Variants in GTPBP4 observed in about 807,000 individuals in gnomAD.
GTPBP4 encodes the protein GTP binding protein 4.
GTPBP4 carries 15 observed loss-of-function variants against 81.7 expected under a neutral mutation model. That is an observed-to-expected ratio of 0.18 (90% confidence interval 0.12 to 0.28). GTPBP4 has a LOEUF of 0.28. Among genes scored for constraint, GTPBP4 ranks in the 10% least tolerant of loss-of-function variants. The pLI is 1.00. For missense variants in GTPBP4, 847 were observed against 793.8 expected, an observed-to-expected ratio of 1.07 and a Z score of -0.81; for synonymous variants, 272 against 274.6, an observed-to-expected ratio of 0.99 and a Z score of 0.09.
intron 2 of GTPBP4, among the ~76,000 whole-genome samples, chr10:994,805 A>T (rs374177727): frequency 2.0e-5 from 3 of 152,212 alleles, no homozygotes; most frequent in African/African-American, 7.2e-5. Context: ...GGAGGGTTAG[A>T]TATTAAGTTG....
intron 8 of GTPBP4, among the ~76,000 whole-genome samples, chr10:1,003,223 A>G (rs927647105): frequency 1.9e-4 from 29 of 152,132 alleles, no homozygotes; most frequent in Non-Finnish European, 8.8e-5. Flanking sequence ...TGAATTCTTC[A>G]GCTACAGGAT....
At chr10:1,010,007 A>G (rs59913866) in intron 12 of GTPBP4, among the ~76,000 whole-genome samples, 23,693 of 151,956 alleles carry the variant, frequency 0.16, 2,237 homozygotes, top group East Asian at 0.3. Flanking sequence ...AGAAAGGTGC[A>G]TGCTGATAGC....
intron 10 of GTPBP4, among the ~76,000 whole-genome samples, chr10:1,008,561 TTGAA>T (rs1411164966): frequency 6.6e-6 from 1 of 152,232 alleles, no homozygotes; most frequent in Non-Finnish European, 1.5e-5. Context: ...TATGTTTCCA[TTGAA>T]TTCTTATATG....
At chr10:1,000,926 A>G (rs1403372209) in intron 7 of GTPBP4, 22 bp from the exon 8 acceptor site, 6 of 1,610,988 alleles carry the variant, frequency 3.7e-6, no homozygotes, top group Non-Finnish European at 5.1e-6. Flanking sequence ...TAATGATTTC[A>G]TTATTTTTCT....
chr10:994,518 G>T (rs1442225872), intron 2 of GTPBP4, among the ~76,000 whole-genome samples: 2 of 152,136 alleles, frequency 1.3e-5, no homozygotes, highest in East Asian at 1.9e-4. Context: ...TGATCCGCCT[G>T]CCTTGGCCTC....
At chr10:1,017,041 A>G in intron 16 of GTPBP4, 34 bp from the exon 17 acceptor site, 14 of 1,583,764 alleles carry the variant, frequency 8.8e-6, no homozygotes, top group Non-Finnish European at 1.2e-5. Context: ...GTTTTAAGTA[A>G]TGAACATACT....
intron 14 of GTPBP4, 111 bp downstream of exon 14, chr10:1,012,773 C>G: frequency 2.9e-6 from 2 of 694,428 alleles, no homozygotes; most frequent in Non-Finnish European, 4.9e-6. Context: ...TAAGATTGCA[C>G]ATTCTTGTTT....
chr10:991,701 T>G (rs1564464820), intron 1 of GTPBP4, among the ~76,000 whole-genome samples: 1 of 140,804 alleles, frequency 7.1e-6, no homozygotes, highest in Non-Finnish European at 1.5e-5. Flanking sequence ...TTTTTTTTTT[T>G]TTTTTTTTTT....
rs749372567 is a variant in GTPBP4 at position 992,632 on chromosome 10, A to G, written c.192A>G (p.Gln64=). The change falls in exon 2 of 17, where the codon CAA becomes CAG. Residue 64 remains glutamine, a synonymous_variant. Coordinates refer to ENST00000360803, the MANE Select transcript of GTPBP4 (RefSeq NM_012341.3). ...AGAATTACCATGATAGACTTTCACA[A>G]ATTCTAACAGATTTCCCCAAATTGG... The part of the protein sequence containing the change: ...TQQNYHDRLS[Q]ILTDFPKLDD... The G allele has an allele frequency of 6.2e-7, 1 of 1,607,884 alleles. No homozygotes were observed. The highest frequency in any genetic ancestry group is 8.5e-7 in the Non-Finnish European group (1 of 1,175,882).
At chr10:1,003,766 CCTGCTATT>C (rs1181559853) in intron 8 of GTPBP4, among the ~76,000 whole-genome samples, 1 of 151,988 alleles carries the variant, frequency 6.6e-6, no homozygotes, top group African/African-American at 2.4e-5. Flanking sequence ...CTTTTGGGGT[CCTGCTATT>C]CTTGTTTTTC....
intron 13 of GTPBP4, 48 bp from the exon 14 acceptor site, chr10:1,012,417 G>T: frequency 7.7e-7 from 1 of 1,298,812 alleles, no homozygotes; most frequent in Non-Finnish European, 1.1e-6. Flanking sequence ...ACTGACTCAG[G>T]GGTTTTCTCA....
chr10:1,008,482 A>G (rs868270439), intron 10 of GTPBP4: 3 of 314,468 alleles, frequency 9.5e-6, no homozygotes, highest in Middle Eastern at 8.0e-4. Context: ...TGAGTTGGTT[A>G]TGTTGTGAGG....
chr10:1,019,626 T>G lies in GTPBP4; in HGVS notation c.*2399T>G, dbSNP rs1467446692. ...AATGGTTCTTAGCCAGGGGGTGACT[T>G]TGACTTCACCCCTCGCCTCCCTCTC... On this transcript the variant is annotated 3_prime_UTR_variant, in exon 17 of 17. Transcript: ENST00000360803. 3 of 1,613,992 alleles carry G rather than the reference T, an allele frequency of 1.9e-6. No homozygotes were observed. In the South Asian group the frequency reaches 3.3e-5, roughly 18 times the overall value.
At chr10:997,054 T>A (rs1301631668) in intron 4 of GTPBP4, 154 bp from the exon 5 acceptor site, 3 of 653,624 alleles carry the variant, frequency 4.6e-6, no homozygotes, top group Non-Finnish European at 8.2e-6. Flanking sequence ...ATACTATTAC[T>A]TTCTGCAACT....
rs548834507 is a variant in GTPBP4 at position 990,659 on chromosome 10, CAGAGCTTGCAGT to C, written c.49-1829_49-1818del. 4.6e-3 allele frequency among the ~76,000 whole-genome samples: 646 copies of C among 140,098 alleles called. 4 individuals are homozygous for C. Among genetic ancestry groups the C allele is most frequent in the African/African-American group, 0.015 (563 of 37,016 alleles). 91.9% of individuals were successfully genotyped at this position (140,098 alleles called of 152,430 possible). ...AATGGTGTGAACTGAACCCAGGAGG[CAGAGCTTGCAGT>C]GAACCGAGATCGCGCCACTGCACTC... On this transcript the variant is annotated intron_variant, in intron 1 of 16. Transcript: ENST00000360803.
chr10:1,005,605 A>G (rs554865378), intron 8 of GTPBP4, among the ~76,000 whole-genome samples: 9 of 152,322 alleles, frequency 5.9e-5, no homozygotes, highest in African/African-American at 1.9e-4. Flanking sequence ...GTGAGGGGCT[A>G]CTAGTCGGCC....
At chr10:1,014,391 T>C in intron 15 of GTPBP4, 79 bp downstream of exon 15, 1 of 1,021,910 alleles carries the variant, frequency 9.8e-7, no homozygotes, top group Non-Finnish European at 1.5e-6. Context: ...GCGTGGTGGC[T>C]CATGCCTGTA....
At chr10:1,016,370 T>C (rs370594537) in intron 16 of GTPBP4, among the ~76,000 whole-genome samples, 2 of 152,346 alleles carry the variant, frequency 1.3e-5, no homozygotes, top group South Asian at 4.1e-4. Flanking sequence ...TGTAGCGTCT[T>C]TTGGCAAAGA....
rs1033893400 is a variant in GTPBP4 at position 1,005,902 on chromosome 10, A to T, written c.997A>T (p.Thr333Ser). The T allele has an allele frequency of 1.3e-6, 2 of 1,550,130 alleles. No individual in the cohort carries two copies. The highest frequency in any genetic ancestry group is 2.7e-5 in the African/African-American group (2 of 73,142). Residue 333 changes from threonine (T) to serine (S), a missense_variant, in exon 9 of 17, where the codon ACA becomes TCA. By Grantham distance (58) the Thr-to-Ser change is moderately conservative. This residue lies in a region of GTPBP4 where 600 missense variants were observed against 557.1 expected (regional missense o/e 1.08). Transcript: ENST00000360803. ...LTEEGVIKVK[T>S]EACDRLLAHR... The stretch of plus-strand genomic sequence containing the variant: ...TGAGGAAGGTGTTATTAAAGTTAAA[A>T]CAGAGGTCAGTGCTGCCTTAAGTCA...
Sources: allele counts gnomAD v4.1 joint callset (sites outside exome capture counted in the v4.1 genomes callset), GRCh38; gene constraint gnomAD v4.1.1; regional missense constraint gnomAD v4.1.1; transcripts MANE v1.5; gene names NCBI Gene and HGNC (gene_info 2026-07-23, HGNC 2026-07-21).